Variants in ABCG2 observed in about 807,000 individuals in gnomAD.
ABCG2 encodes the protein ATP binding cassette subfamily G member 2 (JR blood group), also known as broad substrate specificity ATP-binding cassette transporter ABCG2.
In ABCG2, 80 loss-of-function variants were observed where a neutral mutation model predicts 73.5. The ratio of observed to expected loss-of-function variants is 1.09; its 90% confidence interval spans 0.91 to 1.31. ABCG2 has a LOEUF of 1.31. Ranked by LOEUF, ABCG2 falls within the 50% of genes most tolerant of loss-of-function variation. ABCG2 has a pLI of 0.00. For synonymous variants in ABCG2, 269 were observed against 282.4 expected, an observed-to-expected ratio of 0.95 and a Z score of 0.48; for missense variants, 796 against 786.2, an observed-to-expected ratio of 1.01 and a Z score of -0.15.
At chr4:88,181,355 G>A (rs929797920) in intron 1 of ABCG2, among the ~76,000 whole-genome samples, 11 of 140,540 alleles carry the variant, frequency 7.8e-5, no homozygotes, top group South Asian at 4.6e-4. Context: ...AGCCAAGACC[G>A]TGCCACTGCA....
At chr4:88,193,055 T>A (rs1728761417) in intron 1 of ABCG2, among the ~76,000 whole-genome samples, 1 of 151,998 alleles carries the variant, frequency 6.6e-6, no homozygotes, top group Admixed American at 6.6e-5. Context: ...ATGTGCCCTT[T>A]CAAAATATAT....
intron 1 of ABCG2, among the ~76,000 whole-genome samples, chr4:88,215,647 A>T (rs767995304): frequency 6.6e-6 from 1 of 152,236 alleles, no homozygotes; most frequent in Non-Finnish European, 1.5e-5. Context: ...GCCAAGTAGT[A>T]ACTTCACTGT....
intron 1 of ABCG2, among the ~76,000 whole-genome samples, chr4:88,179,040 G>C (rs1258789720): frequency 6.6e-6 from 1 of 152,098 alleles, no homozygotes; most frequent in Non-Finnish European, 1.5e-5. Flanking sequence ...CTAACACCTT[G>C]AGTCAACATA....
At chr4:88,163,712 C>G, upstream of ABCG2, 1 of 396,200 alleles carries the variant, frequency 2.5e-6, no homozygotes, top group South Asian at 2.0e-5. Flanking sequence ...GTCCCTGGGG[C>G]ACTCAGAGAG....
intron 6 of ABCG2, among the ~76,000 whole-genome samples, chr4:88,118,631 T>C (rs1387750754): frequency 6.6e-6 from 1 of 152,240 alleles, no homozygotes; most frequent in African/African-American, 2.4e-5. Flanking sequence ...GAACTAACTA[T>C]GGACTGCATA....
At chr4:88,120,933 T>A (rs1299788803) in intron 6 of ABCG2, among the ~76,000 whole-genome samples, 1 of 152,160 alleles carries the variant, frequency 6.6e-6, no homozygotes, top group Non-Finnish European at 1.5e-5. Flanking sequence ...TGTAATAACA[T>A]TTGTAATAAT....
chr4:88,190,858 G>A (rs1173278893), intron 1 of ABCG2, among the ~76,000 whole-genome samples: 2 of 151,764 alleles, frequency 1.3e-5, no homozygotes, highest in African/African-American at 4.8e-5. Context: ...TTTTCTAAAC[G>A]TTCAGGATAG....
intron 1 of ABCG2, among the ~76,000 whole-genome samples, chr4:88,190,406 T>C (rs908437052): frequency 2.6e-5 from 4 of 152,206 alleles, no homozygotes; most frequent in Non-Finnish European, 5.9e-5. Context: ...TAAAACCTGT[T>C]GTACAGGAAT....
intron 1 of ABCG2, among the ~76,000 whole-genome samples, chr4:88,216,023 G>A (rs962499927): frequency 1.3e-5 from 2 of 152,182 alleles, no homozygotes; most frequent in African/African-American, 4.8e-5. Flanking sequence ...ATGGGGGCTA[G>A]CTTGCACATT....
At chr4:88,110,820 A>T (rs995268243) in intron 9 of ABCG2, among the ~76,000 whole-genome samples, 33 of 138,554 alleles carry the variant, frequency 2.4e-4, no homozygotes, top group Admixed American at 9.3e-4. Context: ...TTACAAAAAA[A>T]AAAAATATAT....
chr4:88,131,778 A>T (rs1724894019), intron 4 of ABCG2, 25 bp downstream of exon 4: 2 of 1,571,280 alleles, frequency 1.3e-6, no homozygotes, highest in African/African-American at 2.7e-5. Flanking sequence ...GAGGAAACAG[A>T]AAATGCAAAC....
At chr4:88,095,686 T>C in intron 13 of ABCG2, 77 bp from the exon 14 acceptor site, 1 of 1,122,448 alleles carries the variant, frequency 8.9e-7, no homozygotes, top group Non-Finnish European at 1.3e-6. Flanking sequence ...CCTCTTCAAG[T>C]CCCTACCACT....
intron 1 of ABCG2, among the ~76,000 whole-genome samples, chr4:88,214,522 G>C (rs200515079): frequency 6.6e-6 from 1 of 152,104 alleles, no homozygotes; most frequent in East Asian, 1.9e-4. Context: ...ATATGCCAGA[G>C]AGAGCAGTGC....
chr4:88,168,524 G>A (rs1285004108), intron 1 of ABCG2, among the ~76,000 whole-genome samples: 2 of 150,866 alleles, frequency 1.3e-5, no homozygotes. Flanking sequence ...AAGTTTATTT[G>A]GTTATAAAGT....
At position 88,190,770 on chromosome 4, in the gene ABCG2, G is replaced by A. The variant is rs532685517; in HGVS notation, c.-20+40224C>T. 4.5e-4 allele frequency among the ~76,000 whole-genome samples: 68 copies of A among 152,128 alleles called. 1 individual carries two copies. Among genetic ancestry groups the A allele is most frequent in the Admixed American group, 2.6e-4 (4 of 15,276 alleles). ...CATAGTATAGACTTTTTTCCCACAA[G>A]TAAAAATATATACAACATGTACACA... On this transcript the variant is annotated intron_variant, in intron 1 of 15. Transcript: ENST00000515655.
At chr4:88,102,706 A>G (rs1411966116) in intron 10 of ABCG2, among the ~76,000 whole-genome samples, 2 of 152,178 alleles carry the variant, frequency 1.3e-5, no homozygotes, top group Non-Finnish European at 2.9e-5. Context: ...CTGAAACACC[A>G]TAACAAAACA....
At chr4:88,196,631 T>C (rs2110111319) in intron 1 of ABCG2, among the ~76,000 whole-genome samples, 1 of 152,160 alleles carries the variant, frequency 6.6e-6, no homozygotes, top group South Asian at 2.1e-4. Flanking sequence ...AACCAATTAA[T>C]TACCATTCTG....
At chr4:88,112,218 T>C (rs1262540393) in intron 9 of ABCG2, among the ~76,000 whole-genome samples, 1 of 152,188 alleles carries the variant, frequency 6.6e-6, no homozygotes, top group African/African-American at 2.4e-5. Flanking sequence ...AATCTAACAA[T>C]GAATAGCCTT....
chr4:88,139,773 T>C lies in ABCG2; in HGVS notation c.203+20A>G. On this transcript the variant is annotated intron_variant, in intron 2 of 15. Coordinates refer to ENST00000237612, the MANE Select transcript of ABCG2 (RefSeq NM_004827.3). ...GTAGGTAAATTAAAAAGCTGTCTTT[T>C]TACAAGTTCATGTACATACTTGATA... is the stretch of plus-strand genomic sequence containing the variant. 6.2e-7 allele frequency: 1 copy of C among 1,603,452 alleles called. No homozygotes were observed. The highest frequency in any genetic ancestry group is 1.1e-5 in the South Asian group (1 of 89,422).
Sources: allele counts gnomAD v4.1 joint callset (sites outside exome capture counted in the v4.1 genomes callset), GRCh38; gene constraint gnomAD v4.1.1; transcripts MANE v1.5; gene names NCBI Gene and HGNC (gene_info 2026-07-23, HGNC 2026-07-21).